The following ZBTB16 variants were observed in gnomAD, a reference collection of about 807,000 sequenced individuals.
ZBTB16 encodes zinc finger and BTB domain containing 16, also known as zinc finger and BTB domain-containing protein 16.
In ZBTB16, 8 loss-of-function variants were observed where a neutral mutation model predicts 56.8. The ratio of observed to expected loss-of-function variants is 0.14; its 90% CI spans 0.08 to 0.25. The LOEUF (loss-of-function observed/expected upper bound fraction) is 0.25. Ranked by LOEUF, ZBTB16 falls within the 10% of genes least tolerant of loss-of-function variation. The probability of loss-of-function intolerance (pLI) is 1.00; values close to 1 mark genes in which losing one functional copy is unlikely to be tolerated. For missense variants in ZBTB16, 625 were observed against 903.0 expected, an observed-to-expected ratio of 0.69 and a Z score of 3.95; for synonymous variants, 363 against 368.5, an observed-to-expected ratio of 0.98 and a Z score of 0.17.
rs930642901 is a variant in ZBTB16 at position 114,224,408 on chromosome 11, CT to C, written c.1454-17752del. ...AAATGAAGAATACAAGAAAAAAGAG[CT>C]TTTTTTATTGTTATCGTTAGGATAC... On this transcript the variant is annotated intron_variant, in intron 4 of 6. Transcript: ENST00000335953. 1.2e-4 allele frequency among the ~76,000 whole-genome samples: 18 copies of C among 152,148 alleles called. No homozygotes were observed. In the East Asian group the frequency reaches 2.9e-3, roughly 25 times the overall value.
intron 4 of ZBTB16, among the ~76,000 whole-genome samples, chr11:114,211,763 G>A (rs1045158671): frequency 2.0e-5 from 3 of 152,180 alleles, no homozygotes; most frequent in Non-Finnish European, 2.9e-5. Flanking sequence ...TACCAGGAAG[G>A]CCAGCTTGCA....
intron 2 of ZBTB16, among the ~76,000 whole-genome samples, chr11:114,121,234 A>C (rs1223424151): frequency 1.3e-5 from 2 of 151,542 alleles, no homozygotes; most frequent in Non-Finnish European, 2.9e-5. Context: ...AGATACTCCC[A>C]CCATGGCTAA....
intron 4 of ZBTB16, among the ~76,000 whole-genome samples, chr11:114,200,326 C>T (rs1943708931): frequency 6.6e-6 from 1 of 152,096 alleles, no homozygotes; most frequent in African/African-American, 2.4e-5. Flanking sequence ...TATTAAATAC[C>T]TACTGTGTCT....
At chr11:114,165,362 G>C (rs551039977) in intron 3 of ZBTB16, among the ~76,000 whole-genome samples, 53 of 152,194 alleles carry the variant, frequency 3.5e-4, no homozygotes, top group Non-Finnish European at 7.5e-4. Context: ...TGGGCAAGTA[G>C]TTTAGCAGGG....
intron 2 of ZBTB16, among the ~76,000 whole-genome samples, chr11:114,139,532 T>C (rs770711241): frequency 3.3e-4 from 50 of 151,856 alleles, no homozygotes; most frequent in Non-Finnish European, 6.5e-4. Flanking sequence ...TAAACAAATA[T>C]CTCTAAGAGG....
Position 114,065,447 on chromosome 11 carries a change from G to A in ZBTB16, c.1268+879G>A, listed in dbSNP as rs577021358. Among the ~76,000 whole-genome samples the A allele has an allele frequency of 5.3e-5, 8 of 151,404 alleles. No individual in the cohort carries two copies. In the South Asian group the frequency reaches 6.3e-4, roughly 12 times the overall value. On this transcript the variant is annotated intron_variant, in intron 2 of 6. Coordinates refer to ENST00000335953, the MANE Select transcript of ZBTB16 (RefSeq NM_006006.6). ...CTTTTTTTTTTGGATGTGAAGTTTC[G>A]CTCTCCTTGCCCAGGCTGGAGTGCA...
chr11:114,238,126 C>T (rs1944631063), intron 4 of ZBTB16, among the ~76,000 whole-genome samples: 1 of 152,186 alleles, frequency 6.6e-6, no homozygotes, highest in African/African-American at 2.4e-5. Context: ...TGCTGTCCCA[C>T]CTTTCTAGGA....
intron 4 of ZBTB16, among the ~76,000 whole-genome samples, chr11:114,240,128 C>G (rs1231722808): frequency 1.3e-5 from 2 of 152,152 alleles, no homozygotes. Flanking sequence ...CTCAGCCTTC[C>G]TGACTGCTGG....
chr11:114,139,198 T>C (rs1299197831), intron 2 of ZBTB16, among the ~76,000 whole-genome samples: 1 of 152,216 alleles, frequency 6.6e-6, no homozygotes, highest in East Asian at 1.9e-4. Context: ...ACCACACTTC[T>C]GAAGATGGAA....
intron 2 of ZBTB16, among the ~76,000 whole-genome samples, chr11:114,097,122 A>G (rs924286180): frequency 3.3e-5 from 5 of 152,276 alleles, no homozygotes; most frequent in Admixed American, 2.0e-4. Flanking sequence ...AGCCTTAACA[A>G]GGAAGGAAAT....
intron 2 of ZBTB16, among the ~76,000 whole-genome samples, chr11:114,139,855 G>A (rs536076098): frequency 2.0e-5 from 3 of 152,260 alleles, no homozygotes; most frequent in African/African-American, 7.2e-5. Context: ...GAGGCCGGGG[G>A]AGCAAGTGGC....
intron 3 of ZBTB16, among the ~76,000 whole-genome samples, chr11:114,160,788 C>A (rs925810199): frequency 6.6e-6 from 1 of 152,170 alleles, no homozygotes; most frequent in Admixed American, 6.5e-5. Context: ...TATCAATAAC[C>A]AAACTCATTA....
At chr11:114,061,074 T>C (rs373014477) in intron 1 of ZBTB16, among the ~76,000 whole-genome samples, 1 of 152,022 alleles carries the variant, frequency 6.6e-6, no homozygotes, top group South Asian at 2.1e-4. Context: ...TTCAGGAGTC[T>C]AGCTCCTCGG....
At chr11:114,141,383 A>C (rs1167580793) in intron 2 of ZBTB16, among the ~76,000 whole-genome samples, 1 of 152,176 alleles carries the variant, frequency 6.6e-6, no homozygotes, top group African/African-American at 2.4e-5. Context: ...TGATTTGTTG[A>C]CATATTGGCA....
chr11:114,237,260 A>T (rs558217903), intron 4 of ZBTB16: 60 of 152,354 alleles, frequency 3.9e-4, no homozygotes, highest in African/African-American at 1.4e-3. Flanking sequence ...TGGATATCTC[A>T]TTCGATGTTC....
At chr11:114,115,788 T>G (rs1941153272) in intron 2 of ZBTB16, among the ~76,000 whole-genome samples, 1 of 152,168 alleles carries the variant, frequency 6.6e-6, no homozygotes, top group South Asian at 2.1e-4. Context: ...CTAATTTGTC[T>G]TTCCCAGAGG....
intron 5 of ZBTB16, among the ~76,000 whole-genome samples, chr11:114,244,522 T>C (rs1454172763): frequency 6.6e-6 from 1 of 152,170 alleles, no homozygotes; most frequent in African/African-American, 2.4e-5. Flanking sequence ...TTTGTGTACA[T>C]TATGGCCACA....
Position 114,211,813 on chromosome 11 carries a change from A to C in ZBTB16, c.1453+24775A>C, listed in dbSNP as rs572249864. Among the ~76,000 whole-genome samples the C allele has an allele frequency of 5.3e-5, 8 of 152,164 alleles. 1 individual carries two copies. In the South Asian group the frequency reaches 1.5e-3, roughly 28 times the overall value. ...GGGCAGAGCGCTTTATAAGCTCGCGATGAAAGCTGTAAAACGAGATGGTCA... is the reference window on the plus strand; with the variant it reads ...GGGCAGAGCGCTTTATAAGCTCGCGCTGAAAGCTGTAAAACGAGATGGTCA... On this transcript the variant is annotated intron_variant, in intron 4 of 6. Transcript: ENST00000335953.
At chr11:114,247,514 TGAGG>T (rs1944839034) in intron 6 of ZBTB16, 149 bp downstream of exon 6, 1 of 1,124,282 alleles carries the variant, frequency 8.9e-7, no homozygotes, top group African/African-American at 1.6e-5. Context: ...TATGGTGGCC[TGAGG>T]ACCACCACAC....
Sources: allele counts gnomAD v4.1 joint callset (sites outside exome capture counted in the v4.1 genomes callset), GRCh38; gene constraint gnomAD v4.1.1; transcripts MANE v1.5; gene names NCBI Gene and HGNC (gene_info 2026-07-23, HGNC 2026-07-21).